KCNIP4: variants seen among roughly 807,000 people sequenced by gnomAD.
KCNIP4 encodes Kv channel-interacting protein 4.
Under a neutral mutation model 34.0 loss-of-function variants are expected in KCNIP4, and 12 were observed. The observed-to-expected ratio is 0.35, with a 90% CI of 0.23 to 0.57. KCNIP4 has a LOEUF of 0.57. Ranked by LOEUF, KCNIP4 falls within the 20% of genes least tolerant of loss-of-function variation. KCNIP4 has a pLI of 0.83. For synonymous variants in KCNIP4, 124 were observed against 102.2 expected (o/e 1.21, Z -1.29); for missense variants, 238 against 311.7 (o/e 0.76, Z 1.78).
chr4:21,026,579 A>T (rs1405028724), intron 1 of KCNIP4, among the ~76,000 whole-genome samples: 1 of 152,176 alleles, frequency 6.6e-6, no homozygotes, highest in Non-Finnish European at 1.5e-5. Flanking sequence ...GTTTGAGCCC[A>T]GGAGGCAGAG....
Position 21,380,458 on chromosome 4 carries a change from G to GAGGGGGAGAGAGAGAGA in KCNIP4, c.62-497750_62-497749insTCTCTCTCTCTCCCCCT, listed in dbSNP as rs1560347883. Among the ~76,000 whole-genome samples the GAGGGGGAGAGAGAGAGA allele has an allele frequency of 7.9e-5, 7 of 88,626 alleles. No individual in the cohort carries two copies. The South Asian group carries it at 1.5e-3, about 19-fold the overall frequency. The allele number at this position is 88,626 out of a possible 152,430, so 58.1% of individuals were successfully genotyped here. A position where few individuals can be genotyped will look rare whatever the true frequency, so the allele number is the denominator to read the frequency against. ...GGGAGAGGGAGGGAGAGGGAGAGGG[G>GAGGGGGAGAGAGAGAGA]GAGAGAGAGAGAGAGAGGGAGAGAG... On this transcript the variant is annotated intron_variant, in intron 1 of 8. Transcript: ENST00000382152.
intron 1 of KCNIP4, among the ~76,000 whole-genome samples, chr4:21,937,289 T>C (rs1009648553): frequency 3.3e-5 from 5 of 152,060 alleles, no homozygotes; most frequent in Non-Finnish European, 5.9e-5. Flanking sequence ...CTATATTCCT[T>C]GTCTCTCACC....
intron 1 of KCNIP4, among the ~76,000 whole-genome samples, chr4:21,227,997 A>T (rs898634769): frequency 5.9e-5 from 9 of 152,204 alleles, no homozygotes; most frequent in Non-Finnish European, 1.2e-4. Flanking sequence ...AAAATAAAAA[A>T]TAACACTTAT....
chr4:21,292,646 C>T (rs1006787548), intron 1 of KCNIP4, among the ~76,000 whole-genome samples: 3 of 152,146 alleles, frequency 2.0e-5, no homozygotes, highest in Admixed American at 2.0e-4. Context: ...TATTTCCTTT[C>T]TCCTTGAAAT....
chr4:21,679,812 G>A (rs1407236026), intron 1 of KCNIP4, among the ~76,000 whole-genome samples: 1 of 152,136 alleles, frequency 6.6e-6, no homozygotes, highest in Admixed American at 6.6e-5. Flanking sequence ...TCTATGAAGT[G>A]TGTTATTGCA....
chr4:21,552,050 A>C (rs952953385), intron 1 of KCNIP4, among the ~76,000 whole-genome samples: 34 of 124,744 alleles, frequency 2.7e-4, no homozygotes, highest in South Asian at 6.8e-4. Flanking sequence ...AAAAAAAAAA[A>C]AACAAAAAAC....
At chr4:21,088,881 A>AAGC (rs33957593) in intron 1 of KCNIP4, among the ~76,000 whole-genome samples, 51,831 of 151,888 alleles carry the variant, frequency 0.34, 10,490 homozygotes, top group African/African-American at 0.58. Flanking sequence ...AAACTCCATG[A>AAGC]AGCAACTATT....
intron 3 of KCNIP4, 102 bp downstream of exon 3, chr4:20,850,441 G>C: frequency 1.6e-6 from 2 of 1,219,726 alleles, no homozygotes; most frequent in Middle Eastern, 5.6e-4. Flanking sequence ...ATATACATAT[G>C]ATGGGGCTCT....
chr4:21,303,844 T>C, intron 1 of KCNIP4: 1 of 1,614,044 alleles, frequency 6.2e-7, no homozygotes. Context: ...ACTGTTCCAA[T>C]AATTTAACAA....
chr4:21,297,971 G>A (rs565836239), intron 1 of KCNIP4, among the ~76,000 whole-genome samples: 4 of 151,970 alleles, frequency 2.6e-5, no homozygotes, highest in Non-Finnish European at 4.4e-5. Flanking sequence ...TTGGATTGGC[G>A]CTACAATAAA....
intron 1 of KCNIP4, among the ~76,000 whole-genome samples, chr4:20,953,154 T>C (rs1165878543): frequency 6.6e-6 from 1 of 152,250 alleles, no homozygotes. Flanking sequence ...ATTTGAATCT[T>C]TGTCTGTTTG....
At chr4:21,876,980 GA>G (rs200388723) in intron 1 of KCNIP4, among the ~76,000 whole-genome samples, 230 of 137,404 alleles carry the variant, frequency 1.7e-3, no homozygotes, top group South Asian at 0.016. Context: ...TGGATTAGGA[GA>G]AAAAAAAAAA....
At chr4:21,390,705 G>T (rs564368867) in intron 1 of KCNIP4, among the ~76,000 whole-genome samples, 1 of 152,196 alleles carries the variant, frequency 6.6e-6, no homozygotes, top group African/African-American at 2.4e-5. Flanking sequence ...GGTTACTATA[G>T]CCTTGTAGTA....
rs1261788637 is a variant in KCNIP4 at position 20,742,468 on chromosome 4, A to G, written c.429+7194T>C. ...ATAAACAAAACCAAAGACAAAAACC[A>G]CATGATTATCTCAACAGACACAGAA... On this transcript the variant is annotated intron_variant, in intron 5 of 8. Coordinates refer to ENST00000382152, the MANE Select transcript of KCNIP4 (RefSeq NM_025221.6). Among the ~76,000 whole-genome samples the G allele has an allele frequency of 2.0e-5, 3 of 152,294 alleles. No homozygotes were observed. The East Asian group carries it at 5.8e-4, about 29-fold the overall frequency.
chr4:20,876,813 C>T (rs1442198919), intron 2 of KCNIP4, among the ~76,000 whole-genome samples: 1 of 152,116 alleles, frequency 6.6e-6, no homozygotes, highest in African/African-American at 2.4e-5. Context: ...ACCTCGTGAT[C>T]CACCCACCTC....
intron 1 of KCNIP4, among the ~76,000 whole-genome samples, chr4:21,742,619 T>G (rs980754719): frequency 6.6e-6 from 1 of 152,180 alleles, no homozygotes; most frequent in African/African-American, 2.4e-5. Flanking sequence ...GCCAACCAGA[T>G]GTACTGGTAA....
chr4:21,284,352 C>T (rs1762971073), intron 1 of KCNIP4, among the ~76,000 whole-genome samples: 1 of 152,184 alleles, frequency 6.6e-6, no homozygotes, highest in Admixed American at 6.5e-5. Flanking sequence ...GCAAGAGCAG[C>T]CGCCTTTACT....
chr4:21,054,707 C>CAAAA (rs34366909), intron 1 of KCNIP4, among the ~76,000 whole-genome samples: 9 of 86,192 alleles, frequency 1.0e-4, no homozygotes, highest in Non-Finnish European at 1.4e-4. Context: ...TACTCACATG[C>CAAAA]AAAAAAAAAA....
At chr4:21,815,714 A>G (rs1217515382) in intron 1 of KCNIP4, among the ~76,000 whole-genome samples, 1 of 152,150 alleles carries the variant, frequency 6.6e-6, no homozygotes, top group Non-Finnish European at 1.5e-5. Context: ...CATTCTCATA[A>G]AAGTACTGCC....
Sources: gnomAD v4.1 joint callset for allele counts (sites outside exome capture counted in the v4.1 genomes callset) on GRCh38, gnomAD v4.1.1 for gene constraint, MANE v1.5 for transcripts, NCBI Gene and HGNC (gene_info 2026-07-23, HGNC 2026-07-21) for gene names.